The following SLC6A15 variants were observed in gnomAD, a reference collection of about 807,000 sequenced individuals.
SLC6A15 encodes the protein sodium-dependent neutral amino acid transporter B(0)AT2.
In SLC6A15, 33 loss-of-function variants were observed where a neutral mutation model predicts 68.5. The ratio of observed to expected loss-of-function variants is 0.48; its 90% CI spans 0.37 to 0.64. SLC6A15 has a LOEUF of 0.64. SLC6A15 is among the 30% of genes least tolerant of loss of function. SLC6A15 has a pLI of 0.00. For missense variants in SLC6A15, 747 were observed against 874.3 expected (o/e 0.85, Z 1.84); for synonymous variants, 347 against 301.0 (o/e 1.15, Z -1.58).
In SLC6A15 at chr12:84,861,904, G is replaced by A. The variant is rs376591011; in HGVS notation, c.1921C>T (p.Arg641Cys). ...LPVPVVFIVR[R>C]FNLIDDSSGN... is the part of the protein sequence containing the mutation. The stretch of plus-strand genomic sequence containing the variant: ...GAACTATCATCTATAAGGTTGAAGC[G>A]ACGAACAATGAAAACTACAGGGACT... The change falls in exon 12 of 12, where the codon CGC becomes TGC. Residue 641 changes from arginine (R) to cysteine (C), a missense_variant. Arg to Cys is a radical substitution (Grantham distance 180, BLOSUM62 -3). Coordinates refer to ENST00000266682, the MANE Select transcript of SLC6A15 (RefSeq NM_182767.6). 2.3e-5 allele frequency: 37 copies of A among 1,613,924 alleles called. No individual in the cohort carries two copies. Among genetic ancestry groups the A allele is most frequent in the South Asian group, 5.5e-5 (5 of 91,078 alleles).
intron 1 of SLC6A15, among the ~76,000 whole-genome samples, chr12:84,906,434 T>G (rs1206614252): frequency 6.6e-6 from 1 of 152,276 alleles, no homozygotes; most frequent in Admixed American, 6.5e-5. Flanking sequence ...AAGAAGATTA[T>G]TTCAAAATTT....
intron 1 of SLC6A15, among the ~76,000 whole-genome samples, chr12:84,899,376 A>T (rs188015677): frequency 9.9e-5 from 15 of 152,160 alleles, no homozygotes; most frequent in African/African-American, 2.9e-4. Flanking sequence ...CTTAGTTTCC[A>T]CCTCCCTGGA....
At chr12:84,880,816 A>C (rs1871787023) in intron 5 of SLC6A15, 1 of 632,292 alleles carries the variant, frequency 1.6e-6, no homozygotes, top group Admixed American at 6.3e-5. Context: ...ATTTTACTAA[A>C]GTGTTTAAAA....
intron 5 of SLC6A15, chr12:84,881,806 A>T: frequency 2.1e-6 from 2 of 969,772 alleles, no homozygotes; most frequent in Non-Finnish European, 2.5e-6. Context: ...TTAATTCCTC[A>T]TAAAGTCATT....
At chr12:84,889,371 T>C (rs939107950) in intron 2 of SLC6A15, among the ~76,000 whole-genome samples, 7 of 151,868 alleles carry the variant, frequency 4.6e-5, no homozygotes, top group Admixed American at 2.6e-4. Context: ...GCGCCTGCAG[T>C]CCCAGCTACT....
intron 1 of SLC6A15, among the ~76,000 whole-genome samples, chr12:84,908,628 C>T (rs887539536): frequency 7.6e-6 from 1 of 131,512 alleles, no homozygotes; most frequent in Non-Finnish European, 1.6e-5. Flanking sequence ...ATATATATAT[C>T]TTCCTACCCT....
chr12:84,866,182 G>A (rs988068835), intron 10 of SLC6A15, among the ~76,000 whole-genome samples: 49 of 152,154 alleles, frequency 3.2e-4, no homozygotes, highest in African/African-American at 1.1e-3. Flanking sequence ...CTTTACATAG[G>A]GCTGTAATGA....
chr12:84,862,409 G>A (rs1870892943), intron 11 of SLC6A15, among the ~76,000 whole-genome samples: 1 of 152,078 alleles, frequency 6.6e-6, no homozygotes, highest in African/African-American at 2.4e-5. Flanking sequence ...AGGGTAGTTT[G>A]TTACTAAGCA....
intron 2 of SLC6A15, among the ~76,000 whole-genome samples, chr12:84,888,616 A>G (rs1872230637): frequency 6.6e-6 from 1 of 152,104 alleles, no homozygotes; most frequent in South Asian, 2.1e-4. Flanking sequence ...TCAGAAGGGG[A>G]AAATTGGGAT....
chr12:84,908,636 C>G (rs2120747891), intron 1 of SLC6A15, among the ~76,000 whole-genome samples: 1 of 143,040 alleles, frequency 7.0e-6, no homozygotes, highest in African/African-American at 2.6e-5. Context: ...ATCTTCCTAC[C>G]CTTTCTCCCT....
chr12:84,870,760 T>G, intron 8 of SLC6A15, 90 bp from the exon 9 acceptor site: 1 of 721,924 alleles, frequency 1.4e-6, no homozygotes, highest in Non-Finnish European at 2.2e-6. Flanking sequence ...GAAAGATCTC[T>G]GAATAATGGC....
At chr12:84,883,460 CA>C (rs1156592811) in intron 5 of SLC6A15, 2 of 1,155,200 alleles carry the variant, frequency 1.7e-6, no homozygotes, top group African/African-American at 3.2e-5. Context: ...CAGAGAGAAA[CA>C]AATGATATCA....
intron 2 of SLC6A15, among the ~76,000 whole-genome samples, chr12:84,891,471 C>G (rs530103708): frequency 3.3e-5 from 5 of 152,032 alleles, no homozygotes; most frequent in Non-Finnish European, 7.4e-5. Context: ...TTTCCTTCAC[C>G]AGTATTGTCA....
rs1470317265 is a variant in SLC6A15, at chr12:84,892,036, C to T, written c.85G>A (p.Ala29Thr). ...CTTGTCTTAAAAGCATCATCAGCTG[C>T]GTCTTCATTGGAAAGAAGGTCTTTG... ...SVKDLLSNED[A>T]ADDAFKTSEL... The change falls in exon 2 of 12, where the codon GCA (alanine) becomes ACA (threonine). Residue 29 changes from alanine to threonine, a missense_variant. Transcript: ENST00000266682. 10 of 1,613,500 alleles carry T rather than the reference C, an allele frequency of 6.2e-6. No individual in the cohort carries two copies. The highest frequency in any genetic ancestry group is 2.2e-5 in the East Asian group (1 of 44,852).
intron 2 of SLC6A15, among the ~76,000 whole-genome samples, chr12:84,888,262 GAAAA>G (rs35670280): frequency 9.1e-6 from 1 of 109,450 alleles, no homozygotes; most frequent in Non-Finnish European, 1.9e-5. Flanking sequence ...AGACCTTGTC[GAAAA>G]AAAAAAAAAA....
intron 1 of SLC6A15, among the ~76,000 whole-genome samples, chr12:84,909,953 T>C (rs780166691): frequency 6.6e-6 from 1 of 152,192 alleles, no homozygotes; most frequent in African/African-American, 2.4e-5. Context: ...GTAGTAACTA[T>C]GAATACGGAC....
Position 84,867,265 on chromosome 12 carries a change from A to G in SLC6A15, c.1496-72T>C, listed in dbSNP as rs1271092631. 4.0e-6 allele frequency: 5 copies of G among 1,257,524 alleles called. No homozygotes were observed. In the East Asian group the frequency reaches 1.4e-4, roughly 35 times the overall value. The allele number at this position is 1,257,524 out of a possible 1,614,324, so 77.9% of individuals were successfully genotyped here. ...AGGCCTTTAAACTTTATTATAAATT[A>G]TTATATTCAAACTTTTAAAACTTTT... On this transcript the variant is annotated intron_variant, in intron 9 of 11. Coordinates refer to ENST00000266682, the MANE Select transcript of SLC6A15 (RefSeq NM_182767.6).
At chr12:84,910,073 T>G (rs1873363180) in intron 1 of SLC6A15, among the ~76,000 whole-genome samples, 1 of 152,086 alleles carries the variant, frequency 6.6e-6, no homozygotes, top group South Asian at 2.1e-4. Flanking sequence ...AGTTTTAAGA[T>G]TCTGCATTAT....
At position 84,870,667 on chromosome 12, in the gene SLC6A15, C is replaced by A; in HGVS notation, c.1306G>T (p.Val436Phe). 6.2e-7 allele frequency: 1 copy of A among 1,605,852 alleles called. No homozygotes were observed. Among genetic ancestry groups the A allele is most frequent in the Non-Finnish European group, 8.5e-7 (1 of 1,175,560 alleles). The change falls in exon 9 of 12, where the codon GTT becomes TTT. Residue 436 changes from valine (V) to phenylalanine (F), a missense_variant. Val to Phe is a conservative substitution (Grantham distance 50, BLOSUM62 -1). Transcript: ENST00000266682. ...CKIEEELNKA[V>F]QGTGLAFIAF... ...ATAAAAGCTAAGCCGGTCCCCTGAA[C>A]AGCCTGCAAAATACACAAAATAGCA...
Sources: allele counts gnomAD v4.1 joint callset (sites outside exome capture counted in the v4.1 genomes callset), GRCh38; gene constraint gnomAD v4.1.1; transcripts MANE v1.5; gene names NCBI Gene and HGNC (gene_info 2026-07-23, HGNC 2026-07-21).